Variants in PCDHA6 observed in about 807,000 individuals in gnomAD.
PCDHA6 encodes protocadherin alpha-6.
PCDHA6 carries 55 observed loss-of-function variants against 60.3 expected under a neutral mutation model. The ratio of observed to expected loss-of-function variants is 0.91; its 90% CI spans 0.73 to 1.14. The LOEUF is 1.14. Ranked by LOEUF, PCDHA6 falls within the 50% of genes most tolerant of loss-of-function variation. The probability of loss-of-function intolerance (pLI) is 0.00; values close to 1 mark genes in which losing one functional copy is unlikely to be tolerated. For missense variants in PCDHA6, 1,327 were observed against 1,256.5 expected (o/e 1.06, Z -0.85); for synonymous variants, 652 against 557.9 (o/e 1.17, Z -2.38).
rs145391750 is a variant in PCDHA6, at chr5:140,989,649, A to G, written c.2542+7086A>G. On this transcript the variant is annotated intron_variant, in intron 3 of 3. Coordinates refer to ENST00000529310, the MANE Select transcript of PCDHA6 (RefSeq NM_018909.4). ...GTGACAGCAAGGGTCTTTCATGGCA[A>G]TATTTTAAAAGAAACTCTGCCCAGA... 1.8e-3 allele frequency among the ~76,000 whole-genome samples: 268 copies of G among 152,316 alleles called. 1 individual carries two copies. The highest frequency in any genetic ancestry group is 6.3e-3 in the African/African-American group (263 of 41,564).
chr5:140,845,350 T>C (rs1779833131), intron 1 of PCDHA6, among the ~76,000 whole-genome samples: 1 of 149,732 alleles, frequency 6.7e-6, no homozygotes, highest in South Asian at 2.1e-4. Context: ...AAACATTTAA[T>C]TGACTTTTAC....
chr5:140,967,100 G>A, intron 1 of PCDHA6: 1 of 1,613,092 alleles, frequency 6.2e-7, no homozygotes, highest in Non-Finnish European at 8.5e-7. Context: ...GGCGCTGTGT[G>A]AGCAGCGGCC....
At chr5:140,936,681 T>G (rs781812048) in intron 1 of PCDHA6, among the ~76,000 whole-genome samples, 3 of 152,246 alleles carry the variant, frequency 2.0e-5, no homozygotes, top group African/African-American at 2.4e-5. Flanking sequence ...CTATTCTGTT[T>G]CATTGGTCAA....
chr5:140,954,543 A>G (rs1344952646), intron 1 of PCDHA6, among the ~76,000 whole-genome samples: 1 of 151,924 alleles, frequency 6.6e-6, no homozygotes, highest in Non-Finnish European at 1.5e-5. Flanking sequence ...TTTTTTTCAT[A>G]TGTTTGTTGG....
chr5:140,870,016 G>A (rs1554163708), intron 1 of PCDHA6: 1 of 1,613,448 alleles, frequency 6.2e-7, no homozygotes, highest in Non-Finnish European at 8.5e-7. Flanking sequence ...GAGGGTCAAT[G>A]GAACTTTAGA....
intron 1 of PCDHA6, chr5:140,850,860 C>T (rs2150500728): frequency 6.3e-7 from 1 of 1,593,350 alleles, no homozygotes; most frequent in Non-Finnish European, 8.6e-7. Flanking sequence ...AACGGGAGAA[C>T]CCTCTGCTTC....
At chr5:140,968,560 C>T (rs782202250) in intron 1 of PCDHA6, 2 of 1,614,154 alleles carry the variant, frequency 1.2e-6, no homozygotes, top group Admixed American at 1.7e-5. Context: ...CTCGAACTGC[C>T]CCTGCTGGCT....
intron 1 of PCDHA6, chr5:140,842,530 T>C: frequency 6.2e-7 from 1 of 1,613,064 alleles, no homozygotes; most frequent in South Asian, 1.1e-5. Flanking sequence ...CCTTCAAGAA[T>C]TACTACTCGT....
intron 1 of PCDHA6, chr5:140,850,503 G>A (rs2041643123): frequency 6.3e-7 from 1 of 1,598,176 alleles, no homozygotes; most frequent in South Asian, 1.1e-5. Flanking sequence ...GGTGTCGCTG[G>A]TGGAGAGCGG....
At chr5:140,883,945 C>T in intron 1 of PCDHA6, 1 of 1,613,378 alleles carries the variant, frequency 6.2e-7, no homozygotes, top group Non-Finnish European at 8.5e-7. Context: ...TGGACGAGAA[C>T]GACAACGCTC....
chr5:140,959,061 A>G (rs1434123552), intron 1 of PCDHA6, among the ~76,000 whole-genome samples: 2 of 152,126 alleles, frequency 1.3e-5, no homozygotes, highest in Non-Finnish European at 2.9e-5. Flanking sequence ...AATGCAGTAT[A>G]TATAGAATTC....
At chr5:140,878,879 G>A (rs1315306611) in intron 1 of PCDHA6, among the ~76,000 whole-genome samples, 4 of 152,204 alleles carry the variant, frequency 2.6e-5, no homozygotes, top group Admixed American at 6.5e-5. Flanking sequence ...AGCCTTTCAA[G>A]TAGCTGAGAC....
intron 1 of PCDHA6, among the ~76,000 whole-genome samples, chr5:140,915,616 GTC>G (rs1166585947): frequency 7.5e-6 from 1 of 134,000 alleles, no homozygotes. Context: ...CTGTCAAACA[GTC>G]TCTTTCTGTC....
At chr5:140,834,417 C>A (rs1772976539) in intron 1 of PCDHA6, 5 of 1,611,544 alleles carry the variant, frequency 3.1e-6, no homozygotes, top group Non-Finnish European at 3.4e-6. Flanking sequence ...CCCAGGGGGC[C>A]GACATCTACT....
chr5:140,865,903 ATCTT>A (rs1453140496), intron 1 of PCDHA6: 10 of 152,252 alleles, frequency 6.6e-5, no homozygotes, highest in African/African-American at 1.9e-4. Flanking sequence ...GTACAGGCAA[ATCTT>A]TCTTTCTGTT....
rs140143150 is a variant in PCDHA6 at position 140,828,784 on chromosome 5, A to C, written c.693A>C (p.Thr231=). The change falls in exon 1 of 4, where the codon ACA becomes ACC. Residue 231 remains threonine (T), a synonymous_variant. Coordinates refer to ENST00000529310, the MANE Select transcript of PCDHA6 (RefSeq NM_018909.4). ...ELTGTVQLLV[T]VLDVNDNAPT... Reference sequence around the variant, plus strand: ...CAGGCACTGTTCAGCTGCTGGTCACAGTGCTGGATGTGAATGATAATGCTC... The same window carrying C: ...CAGGCACTGTTCAGCTGCTGGTCACCGTGCTGGATGTGAATGATAATGCTC... 6.8e-4 allele frequency: 1,103 copies of C among 1,614,228 alleles called. 2 individuals carry two copies. Among genetic ancestry groups the C allele is most frequent in the Non-Finnish European group, 4.9e-4 (579 of 1,180,028 alleles).
intron 1 of PCDHA6, chr5:140,926,974 G>T (rs145276602): frequency 2.2e-4 from 360 of 1,610,140 alleles, no homozygotes; most frequent in Middle Eastern, 1.2e-3. Context: ...CTCAGTGCCG[G>T]AGGAGACGGA....
intron 1 of PCDHA6, among the ~76,000 whole-genome samples, chr5:140,910,668 C>G (rs2075124281): frequency 6.6e-6 from 1 of 152,172 alleles, no homozygotes; most frequent in Admixed American, 6.5e-5. Flanking sequence ...TACATTAAAC[C>G]AAGGGAGATC....
At chr5:140,843,273 T>A in intron 1 of PCDHA6, 1 of 1,595,994 alleles carries the variant, frequency 6.3e-7, no homozygotes, top group Non-Finnish European at 8.6e-7. Flanking sequence ...CTGGTCCTGG[T>A]GAAGGATCAT....
Sources: allele counts gnomAD v4.1 joint callset (sites outside exome capture counted in the v4.1 genomes callset), GRCh38; gene constraint gnomAD v4.1.1; transcripts MANE v1.5; gene names NCBI Gene and HGNC (gene_info 2026-07-23, HGNC 2026-07-21).